Variants in USP14 observed in about 807,000 individuals in gnomAD.
USP14 encodes the protein ubiquitin specific peptidase 14, also known as ubiquitin carboxyl-terminal hydrolase 14.
USP14 carries 38 observed loss-of-function variants against 76.5 expected under a neutral mutation model. The ratio of observed to expected loss-of-function variants is 0.50; its 90% CI spans 0.38 to 0.65. The LOEUF is 0.65. USP14 is among the 30% of genes least tolerant of loss of function. USP14 has a pLI of 0.00. For synonymous variants in USP14, 192 were observed against 191.7 expected, an observed-to-expected ratio of 1.00 and a Z score of -0.01; for missense variants, 467 against 586.5, an observed-to-expected ratio of 0.80 and a Z score of 2.10.
intron 6 of USP14, 142 bp from the exon 7 acceptor site, chr18:196,495 G>A: frequency 2.3e-6 from 2 of 869,840 alleles, no homozygotes; most frequent in African/African-American, 3.5e-5. Flanking sequence ...CTGCACTCCA[G>A]CCTGGGCAAC....
At chr18:204,022 C>A (rs896183387) in intron 12 of USP14, among the ~76,000 whole-genome samples, 1 of 152,084 alleles carries the variant, frequency 6.6e-6, no homozygotes, top group Non-Finnish European at 1.5e-5. Context: ...AGGGGCCTAT[C>A]TATCATTTTA....
At chr18:162,570 A>G (rs1358048547) in intron 1 of USP14, among the ~76,000 whole-genome samples, 2 of 151,878 alleles carry the variant, frequency 1.3e-5, no homozygotes, top group African/African-American at 4.8e-5. Flanking sequence ...TCTCCCAGGA[A>G]TTTTTCTTCT....
At chr18:160,998 G>A (rs1301510481) in intron 1 of USP14, among the ~76,000 whole-genome samples, 2 of 152,068 alleles carry the variant, frequency 1.3e-5, no homozygotes, top group African/African-American at 2.4e-5. Context: ...CGCGATGTTG[G>A]CTCACTGCGA....
chr18:193,665 T>G (rs938851247), intron 6 of USP14, among the ~76,000 whole-genome samples: 2 of 152,236 alleles, frequency 1.3e-5, no homozygotes. Context: ...TCTGGACTTT[T>G]ACTCTAAATG....
intron 3 of USP14, among the ~76,000 whole-genome samples, chr18:173,753 TG>T (rs1159061511): frequency 1.3e-5 from 2 of 152,232 alleles, no homozygotes; most frequent in Non-Finnish European, 2.9e-5. Context: ...TTCTTGTGTT[TG>T]CTGTTAAGCA....
intron 1 of USP14, among the ~76,000 whole-genome samples, chr18:162,023 G>A (rs1391728702): frequency 2.0e-5 from 3 of 152,048 alleles, no homozygotes; most frequent in Non-Finnish European, 4.4e-5. Context: ...GACCACTTTA[G>A]GTATCTCATA....
At position 211,896 on chromosome 18, in the gene USP14, A is replaced by T. The variant is rs1459493014; in HGVS notation, c.*612A>T. On this transcript the variant is annotated 3_prime_UTR_variant, in exon 16 of 16. Coordinates refer to ENST00000261601, the MANE Select transcript of USP14 (RefSeq NM_005151.4). ...TAATAGTACCTTTGATTATACATTT[A>T]TTATTGTGTCTCTCTCTGATGTACT... The T allele has an allele frequency of 6.9e-6, 1 of 143,892 alleles. No individual in the cohort carries two copies. The highest frequency in any genetic ancestry group is 1.6e-5 in the Non-Finnish European group (1 of 63,026). The allele number at this position is 143,892 out of a possible 1,614,324, so 8.9% of individuals were successfully genotyped here. A position where few individuals can be genotyped will look rare whatever the true frequency, so the allele number is the denominator to read the frequency against.
chr18:207,852 A>C (rs1265646780), intron 13 of USP14, among the ~76,000 whole-genome samples: 1 of 152,182 alleles, frequency 6.6e-6, no homozygotes, highest in Non-Finnish European at 1.5e-5. Context: ...TGTAAATGGC[A>C]TTCCTTTCTT....
chr18:204,917 T>G (rs79017281), intron 13 of USP14, among the ~76,000 whole-genome samples: 3 of 152,028 alleles, frequency 2.0e-5, no homozygotes, highest in Admixed American at 2.0e-4. Flanking sequence ...TTTTTTTTTT[T>G]GTGACAAGGT....
chr18:180,596 C>G (rs1308758018), intron 5 of USP14, among the ~76,000 whole-genome samples: 2 of 152,218 alleles, frequency 1.3e-5, no homozygotes, highest in Non-Finnish European at 2.9e-5. Flanking sequence ...CTTCACCCAC[C>G]TCTAGCCCTA....
At position 193,108 on chromosome 18, in the gene USP14, T is replaced by C. The variant is rs2276062; in HGVS notation, c.463+208T>C. ...TCTGTCGTTTGTGAAAAATAATCTT[T>C]GGATTTTTTTGGATTAAATTATAAT... On this transcript the variant is annotated intron_variant, in intron 6 of 15. Transcript: ENST00000261601. Among the ~76,000 whole-genome samples the C allele has an allele frequency of 1.7e-3, 260 of 152,308 alleles. 3 individuals are homozygous for C. The highest frequency in any genetic ancestry group is 0.013 in the Admixed American group (206 of 15,282).
In USP14 at chr18:196,538, T is replaced by A. The variant is rs557012364; in HGVS notation, c.464-99T>A. 18 of 1,329,520 alleles carry A rather than the reference T, an allele frequency of 1.4e-5. No homozygotes were observed. In the East Asian group the frequency reaches 2.4e-4, roughly 18 times the overall value. The allele number at this position is 1,329,520 out of a possible 1,614,324, so 82.4% of individuals were successfully genotyped here. ...GACTCCATCTCAAAAAAAAAAAAAA[T>A]TAAGTAAGTTTTTGTTTGTATTAAT... is the stretch of plus-strand genomic sequence containing the variant. On this transcript the variant is annotated intron_variant, in intron 6 of 15. Transcript: ENST00000261601.
At chr18:184,797 G>A (rs1034136150) in intron 5 of USP14, among the ~76,000 whole-genome samples, 2 of 151,844 alleles carry the variant, frequency 1.3e-5, no homozygotes, top group Non-Finnish European at 2.9e-5. Flanking sequence ...AAAGAGAGTG[G>A]GATGTATAAT....
At chr18:174,479 TG>T (rs745796771) in intron 3 of USP14, among the ~76,000 whole-genome samples, 26 of 152,106 alleles carry the variant, frequency 1.7e-4, no homozygotes, top group Non-Finnish European at 3.7e-4. Context: ...TTGGTCAGGC[TG>T]GTCTCAAACT....
chr18:203,997 C>G (rs1910457415), intron 12 of USP14, among the ~76,000 whole-genome samples: 1 of 152,104 alleles, frequency 6.6e-6, no homozygotes, highest in South Asian at 2.1e-4. Flanking sequence ...TGCTACATCT[C>G]CATAGAGTCC....
chr18:162,210 A>C (rs1397567156), intron 1 of USP14, among the ~76,000 whole-genome samples: 1 of 152,162 alleles, frequency 6.6e-6, no homozygotes, highest in Non-Finnish European at 1.5e-5. Flanking sequence ...ACATGGGTGT[A>C]CAAATATCTG....
At chr18:199,599 C>T (rs1413212169) in intron 10 of USP14, among the ~76,000 whole-genome samples, 1 of 152,064 alleles carries the variant, frequency 6.6e-6, no homozygotes, top group African/African-American at 2.4e-5. Context: ...AGATGACCCC[C>T]CAAGCACAGG....
At chr18:176,697 G>C (rs552435498) in intron 3 of USP14, among the ~76,000 whole-genome samples, 1 of 152,152 alleles carries the variant, frequency 6.6e-6, no homozygotes, top group Admixed American at 6.5e-5. Flanking sequence ...ATTTATGTCA[G>C]TTTTAGAAAA....
rs1491449006 is a variant in USP14, at chr18:214,437, T to TATC, written c.*3154_*3156dup. 1 of 555,468 alleles carries TATC rather than the reference T, an allele frequency of 1.8e-6. No individual in the cohort carries two copies. The highest frequency in any genetic ancestry group is 1.9e-5 in the African/African-American group (1 of 53,006). The allele number at this position is 555,468 out of a possible 1,614,324, so 34.4% of individuals were successfully genotyped here. A position where few individuals can be genotyped will look rare whatever the true frequency, so the allele number is the denominator to read the frequency against. ...CTTGAGGTCACTTCGTTTAGGTCAT[T>TATC]ATCTCAACCCAACCTCCCCAAACTC... is the stretch of plus-strand genomic sequence containing the variant. On this transcript the variant is annotated 3_prime_UTR_variant, in exon 16 of 16. Coordinates refer to ENST00000261601, the MANE Select transcript of USP14 (RefSeq NM_005151.4).
Sources: allele counts gnomAD v4.1 joint callset (sites outside exome capture counted in the v4.1 genomes callset), GRCh38; gene constraint gnomAD v4.1.1; transcripts MANE v1.5; gene names NCBI Gene and HGNC (gene_info 2026-07-23, HGNC 2026-07-21).